Variants in MLLT10 observed in about 807,000 individuals in gnomAD.
The protein encoded by MLLT10 is protein AF-10.
In MLLT10, 30 loss-of-function variants were observed where a neutral mutation model predicts 129.1. That is an observed-to-expected ratio of 0.23 (90% confidence interval 0.17 to 0.32). MLLT10 has a LOEUF of 0.32. MLLT10 is among the 10% of genes least tolerant of loss of function. MLLT10 has a pLI of 1.00. For missense variants in MLLT10, 1,119 were observed against 1,268.3 expected (o/e 0.88, Z 1.79); for synonymous variants, 490 against 446.4 (o/e 1.10, Z -1.23).
chr10:21,627,800 A>G, intron 8 of MLLT10, among the ~76,000 whole-genome samples: 1 of 152,090 alleles, frequency 6.6e-6, no homozygotes, highest in East Asian at 1.9e-4. Context: ...TTTGGTCAAC[A>G]GTCTTTTCAT....
chr10:21,568,699 G>A (rs962514946), intron 3 of MLLT10, among the ~76,000 whole-genome samples: 1 of 151,906 alleles, frequency 6.6e-6, no homozygotes, highest in Non-Finnish European at 1.5e-5. Flanking sequence ...GTGCCGCAGC[G>A]AGATCTTGGC....
rs199548711 is a variant in MLLT10, at chr10:21,733,343, AT to A, written c.2408-152del. 9.1e-4 allele frequency among the ~76,000 whole-genome samples: 139 copies of A among 151,916 alleles called. 1 individual carries two copies. The East Asian group carries it at 0.013, about 14-fold the overall frequency. ...TTTAAAGCGATGGTATTCAATATAG[AT>A]TTTTTTTTCTTATTTAAATCAGTCT... is the stretch of plus-strand genomic sequence containing the variant. On this transcript the variant is annotated intron_variant, in intron 18 of 22. Transcript: ENST00000307729.
intron 20 of MLLT10, 76 bp downstream of exon 20, chr10:21,734,205 TTCAATGTGTTCC>T: frequency 5.4e-6 from 8 of 1,490,636 alleles, no homozygotes; most frequent in Non-Finnish European, 7.1e-6. Flanking sequence ...GATTGGGGCT[TTCAATGTGTTCC>T]TTTGTAGATA....
intron 8 of MLLT10, among the ~76,000 whole-genome samples, chr10:21,624,194 G>A (rs1357645830): frequency 2.0e-5 from 3 of 152,046 alleles, no homozygotes; most frequent in Non-Finnish European, 2.9e-5. Flanking sequence ...CTAAGACATA[G>A]CACTAGCTTG....
intron 8 of MLLT10, among the ~76,000 whole-genome samples, chr10:21,622,814 A>G (rs1040124715): frequency 6.6e-6 from 1 of 152,194 alleles, no homozygotes; most frequent in African/African-American, 2.4e-5. Context: ...TGCAGATCCC[A>G]TAGATACTGG....
At chr10:21,652,597 G>A (rs2049153374) in intron 9 of MLLT10, among the ~76,000 whole-genome samples, 1 of 152,186 alleles carries the variant, frequency 6.6e-6, no homozygotes, top group Non-Finnish European at 1.5e-5. Context: ...AATAAGTTGG[G>A]AAGTGCAGTA....
chr10:21,534,456 G>T lies in MLLT10; in HGVS notation c.-65G>T, dbSNP rs979050519. On this transcript the variant is annotated 5_prime_UTR_variant, in exon 1 of 23. Transcript: ENST00000307729. ...GGAGGCGGTGGAGGGGAGGTGGGGG[G>T]AATCAGCAAGGACATGGCTCCTGAC... The T allele has an allele frequency of 2.0e-6, 1 of 509,884 alleles. No homozygotes were observed. The allele number at this position is 509,884 out of a possible 1,614,324, so 31.6% of individuals were successfully genotyped here. A position where few individuals can be genotyped will look rare whatever the true frequency, so the allele number is the denominator to read the frequency against.
At chr10:21,635,925 CTTT>C (rs530505484) in intron 8 of MLLT10, among the ~76,000 whole-genome samples, 2 of 111,508 alleles carry the variant, frequency 1.8e-5, no homozygotes, top group Admixed American at 9.4e-5. Context: ...TGCACCTGGC[CTTT>C]TTTTTTTTTT....
chr10:21,684,443 C>G (rs1315975884), intron 13 of MLLT10, among the ~76,000 whole-genome samples: 1 of 152,170 alleles, frequency 6.6e-6, no homozygotes, highest in Non-Finnish European at 1.5e-5. Flanking sequence ...CCACCTCAAC[C>G]AGACTTAGGC....
At chr10:21,660,631 A>T (rs1337899715) in intron 9 of MLLT10, among the ~76,000 whole-genome samples, 14 of 150,168 alleles carry the variant, frequency 9.3e-5, no homozygotes, top group Non-Finnish European at 2.1e-4. Flanking sequence ...AAAAAAAAAA[A>T]AAAAAGCCAG....
chr10:21,582,705 A>G (rs1316787558), intron 3 of MLLT10, among the ~76,000 whole-genome samples: 1 of 152,168 alleles, frequency 6.6e-6, no homozygotes, highest in East Asian at 1.9e-4. Flanking sequence ...TAGGAAGAGG[A>G]AGGGCACAAT....
At chr10:21,561,179 T>G (rs924921863) in intron 3 of MLLT10, among the ~76,000 whole-genome samples, 6 of 152,200 alleles carry the variant, frequency 3.9e-5, no homozygotes, top group African/African-American at 1.4e-4. Context: ...TTGTCAAATT[T>G]AGTGCAGTGA....
intron 9 of MLLT10, among the ~76,000 whole-genome samples, chr10:21,660,539 C>T (rs2050074599): frequency 6.7e-6 from 1 of 148,278 alleles, no homozygotes; most frequent in African/African-American, 2.5e-5. Context: ...GCACTTGAAC[C>T]TGAGAGGCGG....
chr10:21,673,331 T>C lies in MLLT10; in HGVS notation c.1052-19T>C. ...CCCACCCCCCAACTTTTTTTTTTTT[T>C]TTTTTTTTTAAACTACAGGCAGTTT... is the stretch of plus-strand genomic sequence containing the variant. On this transcript the variant is annotated intron_variant, in intron 10 of 22. Transcript: ENST00000307729. The C allele has an allele frequency of 9.2e-7, 1 of 1,088,958 alleles. No homozygotes were observed. The highest frequency in any genetic ancestry group is 1.2e-6 in the Non-Finnish European group (1 of 841,394). 67.5% of individuals were successfully genotyped at this position (1,088,958 alleles called of 1,614,324 possible).
chr10:21,591,514 A>T (rs2042501590), intron 4 of MLLT10, among the ~76,000 whole-genome samples: 1 of 151,794 alleles, frequency 6.6e-6, no homozygotes, highest in Non-Finnish European at 1.5e-5. Flanking sequence ...TTTTGTGATT[A>T]TTTTTTAGTG....
At chr10:21,581,946 C>T (rs1447426061) in intron 3 of MLLT10, among the ~76,000 whole-genome samples, 3 of 152,058 alleles carry the variant, frequency 2.0e-5, no homozygotes, top group Non-Finnish European at 2.9e-5. Context: ...AAAAATTGCT[C>T]TGTCATGTTA....
intron 9 of MLLT10, among the ~76,000 whole-genome samples, chr10:21,655,832 GT>G (rs2049522673): frequency 6.6e-6 from 1 of 152,128 alleles, no homozygotes; most frequent in African/African-American, 2.4e-5. Context: ...CTAAGTTTTT[GT>G]TGGAACAAGA....
At chr10:21,730,354 G>A (rs1187241040) in intron 16 of MLLT10, among the ~76,000 whole-genome samples, 1 of 146,026 alleles carries the variant, frequency 6.8e-6, no homozygotes, top group Non-Finnish European at 1.5e-5. Context: ...TTTCTTAATT[G>A]TGAAAATACT....
chr10:21,561,813 T>G (rs2038847869), intron 3 of MLLT10, among the ~76,000 whole-genome samples: 2 of 151,292 alleles, frequency 1.3e-5, no homozygotes, highest in South Asian at 2.1e-4. Context: ...GTACAACAGT[T>G]TTTTTTTTTG....
Sources: allele counts gnomAD v4.1 joint callset (sites outside exome capture counted in the v4.1 genomes callset), GRCh38; gene constraint gnomAD v4.1.1; transcripts MANE v1.5; gene names NCBI Gene and HGNC (gene_info 2026-07-23, HGNC 2026-07-21).